PDZRN4: variants seen among roughly 807,000 people sequenced by gnomAD.
PDZRN4 encodes the protein PDZ domain containing ring finger 4, also known as PDZ domain-containing RING finger protein 4.
In PDZRN4, 70 loss-of-function variants were observed where a neutral mutation model predicts 99.0. That is an observed-to-expected ratio of 0.71 (90% CI 0.58 to 0.86). The LOEUF is 0.86. Ranked by LOEUF, PDZRN4 falls within the 40% of genes least tolerant of loss-of-function variation. The probability of loss-of-function intolerance (pLI) is 0.00; values close to 1 mark genes in which losing one functional copy is unlikely to be tolerated. For missense variants in PDZRN4, 1,474 were observed against 1,331.2 expected (o/e 1.11, Z -1.67); for synonymous variants, 551 against 501.6 (o/e 1.10, Z -1.32).
At chr12:41,462,660 T>C (rs2120538985) in intron 3 of PDZRN4, among the ~76,000 whole-genome samples, 1 of 152,316 alleles carries the variant, frequency 6.6e-6, no homozygotes, top group Non-Finnish European at 1.5e-5. Flanking sequence ...CATTGATTAA[T>C]GTCAGATTTT....
At chr12:41,300,768 C>T (rs533811563) in intron 3 of PDZRN4, among the ~76,000 whole-genome samples, 2 of 152,014 alleles carry the variant, frequency 1.3e-5, no homozygotes, top group Non-Finnish European at 2.9e-5. Flanking sequence ...TGTAGTTTTA[C>T]AATATAACTT....
intron 5 of PDZRN4, among the ~76,000 whole-genome samples, chr12:41,534,722 A>C (rs554556293): frequency 6.6e-6 from 1 of 152,272 alleles, no homozygotes; most frequent in Admixed American, 6.5e-5. Flanking sequence ...TTCCCTAGGT[A>C]TAGAACTCTA....
intron 3 of PDZRN4, among the ~76,000 whole-genome samples, chr12:41,323,578 C>A (rs1286503360): frequency 6.6e-6 from 1 of 151,718 alleles, no homozygotes; most frequent in Non-Finnish European, 1.5e-5. Context: ...ATAATCATAA[C>A]CAAGTTGTAG....
rs114008679 is a variant in PDZRN4 at position 41,212,750 on chromosome 12, T to C, written c.843+18562T>C. Among the ~76,000 whole-genome samples, 1,031 of 152,122 alleles carry C rather than the reference T, an allele frequency of 6.8e-3. 7 individuals are homozygous for C. The highest frequency in any genetic ancestry group is 0.024 in the African/African-American group (996 of 41,538). ...AAATATTGGATGTAGAGTGGGTGGTTTTTATCTGAGAGATCAAGGATTTTT... is the reference window on the plus strand; with the variant it reads ...AAATATTGGATGTAGAGTGGGTGGTCTTTATCTGAGAGATCAAGGATTTTT... On this transcript the variant is annotated intron_variant, in intron 3 of 9. Transcript: ENST00000402685.
At chr12:41,331,391 A>T (rs1261081780) in intron 3 of PDZRN4, among the ~76,000 whole-genome samples, 1 of 152,110 alleles carries the variant, frequency 6.6e-6, no homozygotes, top group Non-Finnish European at 1.5e-5. Flanking sequence ...ACATCTCTCA[A>T]AATGTTAGTG....
intron 3 of PDZRN4, among the ~76,000 whole-genome samples, chr12:41,334,536 A>T (rs78105838): frequency 0.068 from 10,330 of 152,186 alleles, 485 homozygotes; most frequent in Non-Finnish European, 0.093. Flanking sequence ...CCTGCCAGAC[A>T]TGATGGCTGG....
intron 6 of PDZRN4, among the ~76,000 whole-genome samples, chr12:41,553,573 A>G (rs1039396672): frequency 2.6e-5 from 4 of 151,972 alleles, no homozygotes; most frequent in Non-Finnish European, 5.9e-5. Flanking sequence ...ATATGCCGGT[A>G]GTCCTAACTA....
chr12:41,481,480 G>A (rs757499311), intron 3 of PDZRN4, among the ~76,000 whole-genome samples: 9 of 152,012 alleles, frequency 5.9e-5, no homozygotes, highest in Non-Finnish European at 1.2e-4. Flanking sequence ...CCCTCTCCCT[G>A]TTTTTCCATA....
intron 3 of PDZRN4, among the ~76,000 whole-genome samples, chr12:41,395,723 T>G (rs1300886648): frequency 6.6e-6 from 1 of 152,192 alleles, no homozygotes; most frequent in African/African-American, 2.4e-5. Flanking sequence ...AGGCTTCAGC[T>G]GAGGAACAAC....
At chr12:41,325,040 T>C (rs1420781792) in intron 3 of PDZRN4, among the ~76,000 whole-genome samples, 2 of 152,152 alleles carry the variant, frequency 1.3e-5, no homozygotes, top group Non-Finnish European at 2.9e-5. Context: ...TCAATTAATA[T>C]AGTAGAGCAA....
chr12:41,209,601 G>GT (rs1258717266), intron 3 of PDZRN4, among the ~76,000 whole-genome samples: 1 of 149,972 alleles, frequency 6.7e-6, no homozygotes, highest in Non-Finnish European at 1.5e-5. Context: ...GTGGTGTTTG[G>GT]TTTTTTGTCC....
intron 3 of PDZRN4, among the ~76,000 whole-genome samples, chr12:41,209,426 G>A (rs1047846977): frequency 5.9e-5 from 9 of 151,724 alleles, no homozygotes; most frequent in East Asian, 2.0e-4. Context: ...TACATGTGGC[G>A]TGTTGGTGTG....
chr12:41,203,217 A>G (rs1950828558), intron 3 of PDZRN4, among the ~76,000 whole-genome samples: 1 of 152,042 alleles, frequency 6.6e-6, no homozygotes, highest in African/African-American at 2.4e-5. Flanking sequence ...ATATTAATTA[A>G]ACAAGCAACA....
At chr12:41,523,928 T>A (rs57991277) in intron 5 of PDZRN4, among the ~76,000 whole-genome samples, 9,664 of 152,212 alleles carry the variant, frequency 0.063, 773 homozygotes, top group East Asian at 0.17. Context: ...GCATGTTTAA[T>A]GTGTACAGCT....
At chr12:41,294,623 G>A (rs1264256996) in intron 3 of PDZRN4, among the ~76,000 whole-genome samples, 1 of 152,036 alleles carries the variant, frequency 6.6e-6, no homozygotes, top group East Asian at 1.9e-4. Flanking sequence ...AAATAGAATA[G>A]ATTACAACTC....
chr12:41,217,343 G>T (rs1487073231), intron 3 of PDZRN4, among the ~76,000 whole-genome samples: 3 of 152,018 alleles, frequency 2.0e-5, no homozygotes, highest in Non-Finnish European at 4.4e-5. Context: ...TTAATGCTCT[G>T]CTGTCACCAT....
chr12:41,208,652 T>A (rs1299777646), intron 3 of PDZRN4, among the ~76,000 whole-genome samples: 2 of 151,780 alleles, frequency 1.3e-5, no homozygotes, highest in South Asian at 2.1e-4. Flanking sequence ...AAGAATATAT[T>A]TTTTTTGTTT....
At chr12:41,566,399 A>T (rs992641591) in intron 8 of PDZRN4, among the ~76,000 whole-genome samples, 1 of 152,230 alleles carries the variant, frequency 6.6e-6, no homozygotes, top group Admixed American at 6.6e-5. Flanking sequence ...CTTGAAAAAG[A>T]TTAAAGAATG....
At chr12:41,493,411 A>G (rs559740679) in intron 3 of PDZRN4, among the ~76,000 whole-genome samples, 1 of 152,312 alleles carries the variant, frequency 6.6e-6, no homozygotes, top group South Asian at 2.1e-4. Context: ...ATAAAGCTAA[A>G]TAAAATCAAC....
Sources: allele counts gnomAD v4.1 joint callset (sites outside exome capture counted in the v4.1 genomes callset), GRCh38; gene constraint gnomAD v4.1.1; transcripts MANE v1.5; gene names NCBI Gene and HGNC (gene_info 2026-07-23, HGNC 2026-07-21).